CARF: variants seen among roughly 807,000 people sequenced by gnomAD.
The protein encoded by CARF is calcium responsive transcription factor.
A neutral mutation model predicts 82.0 loss-of-function variants in CARF; 57 were observed. The observed-to-expected ratio is 0.70, with a 90% CI of 0.56 to 0.87. The LOEUF (loss-of-function observed/expected upper bound fraction) is 0.87, where lower values mean the gene tolerates loss of function less well. Ranked by LOEUF, CARF falls within the 40% of genes least tolerant of loss-of-function variation. The pLI is 0.00. For synonymous variants in CARF, 268 were observed against 290.1 expected (o/e 0.92, Z 0.77); for missense variants, 771 against 855.8 (o/e 0.90, Z 1.24).
At chr2:202,975,026 A>C (rs1002540057) in intron 13 of CARF, among the ~76,000 whole-genome samples, 6 of 152,162 alleles carry the variant, frequency 3.9e-5, no homozygotes, top group African/African-American at 1.4e-4. Flanking sequence ...TAATAAAAAC[A>C]CTGGCCAGGC....
intron 5 of CARF, among the ~76,000 whole-genome samples, chr2:202,947,527 T>A (rs2058558173): frequency 6.6e-6 from 1 of 151,982 alleles, no homozygotes; most frequent in Non-Finnish European, 1.5e-5. Context: ...ACCTAATGCA[T>A]GAGGGGCTTA....
At chr2:202,947,832 T>C (rs1412599895) in intron 5 of CARF, among the ~76,000 whole-genome samples, 1 of 152,242 alleles carries the variant, frequency 6.6e-6, no homozygotes, top group East Asian at 1.9e-4. Flanking sequence ...TAGTTTCTTT[T>C]GCTGTATAGA....
At chr2:202,929,338 TC>T (rs2105748785) in intron 3 of CARF, among the ~76,000 whole-genome samples, 1 of 152,310 alleles carries the variant, frequency 6.6e-6, no homozygotes, top group Non-Finnish European at 1.5e-5. Flanking sequence ...AAGTCTTTAA[TC>T]CATTTTTAGT....
chr2:202,924,910 C>A, intron 3 of CARF: 1 of 251,126 alleles, frequency 4.0e-6, no homozygotes, highest in South Asian at 4.6e-5. Context: ...TGTATGCACC[C>A]CGGAGAAATT....
Position 202,971,654 on chromosome 2 carries a change from G to A in CARF, c.1247G>A (p.Arg416His), listed in dbSNP as rs778110847. The A allele has an allele frequency of 1.1e-5, 17 of 1,613,456 alleles. No homozygotes were observed. The highest frequency in any genetic ancestry group is 4.5e-5 in the East Asian group (2 of 44,774). ...GATGAGAATTGTGCATTACCCTCAC[G>A]TTTACATCCTCAAGTAGCACATAAG... ...VRDENCALPS[R>H]LHPQVAHKIQ... Residue 416 changes from arginine to histidine, a missense_variant, in exon 12 of 17, where the codon CGT (arginine) becomes CAT (histidine). Physicochemically the swap from Arg to His is conservative, Grantham distance 29. Transcript: ENST00000438828.
In CARF at chr2:202,913,100, C is replaced by G. The variant is rs923540751; in HGVS notation, c.-332C>G. On this transcript the variant is annotated splice_region_variant and 5_prime_UTR_variant, in exon 1 of 17. Coordinates refer to ENST00000438828, the MANE Select transcript of CARF (RefSeq NM_024744.17). ...CTGGATTGCAAAATTTATGGGCAGA[C>G]CGGTATGTGTGCAGGTGAAGACAAA... The G allele has an allele frequency of 3.9e-5, 6 of 152,072 alleles. No homozygotes were observed. Among genetic ancestry groups the G allele is most frequent in the African/African-American group, 1.4e-4 (6 of 41,400 alleles). The allele number at this position is 152,072 out of a possible 1,614,324, so 9.4% of individuals were successfully genotyped here. A position where few individuals can be genotyped will look rare whatever the true frequency, so the allele number is the denominator to read the frequency against.
intron 14 of CARF, among the ~76,000 whole-genome samples, chr2:202,980,204 T>C (rs1050757893): frequency 2.0e-5 from 3 of 152,136 alleles, no homozygotes; most frequent in Non-Finnish European, 2.9e-5. Context: ...GTTATCCATC[T>C]GCTCTGGCCT....
intron 1 of CARF, among the ~76,000 whole-genome samples, chr2:202,916,619 C>T (rs1689715720): frequency 6.6e-6 from 1 of 151,856 alleles, no homozygotes; most frequent in Non-Finnish European, 1.5e-5. Context: ...CTTTAATTAC[C>T]CTATTTGGGG....
chr2:202,949,237 G>A (rs1295153238), intron 5 of CARF, among the ~76,000 whole-genome samples: 1 of 151,736 alleles, frequency 6.6e-6, no homozygotes, highest in Non-Finnish European at 1.5e-5. Context: ...AGGAGGCTGA[G>A]GCAGGAGAAT....
rs182620586 is a variant in CARF at position 202,919,576 on chromosome 2, T to G, written c.-163+1533T>G. On this transcript the variant is annotated intron_variant, in intron 2 of 16. Coordinates refer to ENST00000438828, the MANE Select transcript of CARF (RefSeq NM_024744.17). ...TTTTGGGTGGTGTCGGAGATAGAGTTTTTTGTATGTTACGGTACTGCTTCT... is the reference window on the plus strand; with the variant it reads ...TTTTGGGTGGTGTCGGAGATAGAGTGTTTTGTATGTTACGGTACTGCTTCT... Among the ~76,000 whole-genome samples the G allele has an allele frequency of 8.8e-4, 134 of 152,312 alleles. 1 individual carries two copies. The highest frequency in any genetic ancestry group is 3.0e-3 in the African/African-American group (125 of 41,562).
At chr2:202,937,037 C>T (rs1046895691) in intron 3 of CARF, among the ~76,000 whole-genome samples, 2 of 152,106 alleles carry the variant, frequency 1.3e-5, no homozygotes, top group African/African-American at 4.8e-5. Flanking sequence ...GTCCTGGCAC[C>T]ATTTGTTGAA....
chr2:202,953,139 C>A (rs563725732), intron 6 of CARF, among the ~76,000 whole-genome samples: 27 of 152,140 alleles, frequency 1.8e-4, no homozygotes, highest in South Asian at 6.2e-4. Flanking sequence ...CCTGCCTCAG[C>A]CTCCTGAGTA....
rs1018430482 is a variant in CARF, at chr2:202,912,316, C to T, written c.-1116C>T. The stretch of plus-strand genomic sequence containing the variant: ...GGTCTCCATGGCGGGGCCTCGGAGC[C>T]AAGACGAGGTTGAGTAGACTCGTTT... On this transcript the variant is annotated 5_prime_UTR_variant, in exon 1 of 17. The change creates a premature stop within an existing upstream ORF in the 5' untranslated region. Transcript: ENST00000438828. The T allele has an allele frequency of 6.6e-6, 1 of 152,216 alleles. No individual in the cohort carries two copies. Among genetic ancestry groups the T allele is most frequent in the South Asian group, 2.1e-4 (1 of 4,828 alleles). 9.4% of individuals were successfully genotyped at this position (152,216 alleles called of 1,614,324 possible). A position where few individuals can be genotyped will look rare whatever the true frequency, so the allele number is the denominator to read the frequency against.
At chr2:202,961,758 G>A in intron 9 of CARF, 1 of 357,532 alleles carries the variant, frequency 2.8e-6, no homozygotes, top group South Asian at 6.0e-5. Flanking sequence ...TTCCCCTTCA[G>A]ATTAAATATT....
chr2:202,924,915 G>T (rs1366180126), intron 3 of CARF: 1 of 256,154 alleles, frequency 3.9e-6, no homozygotes, highest in African/African-American at 2.3e-5. Flanking sequence ...GCACCCCGGA[G>T]AAATTGCAGA....
In CARF at chr2:202,986,419, G is replaced by T. The variant is rs142985825; in HGVS notation, c.*2795G>T. 5.3e-5 allele frequency: 8 copies of T among 152,134 alleles called. 1 individual carries two copies. In the East Asian group the frequency reaches 1.5e-3, roughly 29 times the overall value. 9.4% of individuals were successfully genotyped at this position (152,134 alleles called of 1,614,324 possible). A position where few individuals can be genotyped will look rare whatever the true frequency, so the allele number is the denominator to read the frequency against. On this transcript the variant is annotated 3_prime_UTR_variant, in exon 17 of 17. Transcript: ENST00000438828. ...ATGTTTTTTGTGTGTGTCATGTATT[G>T]TAAGTTGTAATATCTGTAGGAGTGA...
At position 202,952,687 on chromosome 2, in the gene CARF, A is replaced by T; in HGVS notation, c.427+8A>T. 1 of 1,609,202 alleles carries T rather than the reference A, an allele frequency of 6.2e-7. No homozygotes were observed. The highest frequency in any genetic ancestry group is 1.7e-4 in the Middle Eastern group (1 of 6,032). On this transcript the variant is annotated splice_region_variant and intron_variant, in intron 6 of 16. Coordinates refer to ENST00000438828, the MANE Select transcript of CARF (RefSeq NM_024744.17). ...ATGTGAATAGTCCTCGGGGTGAGTA[A>T]CAACGGGATATAGGGGATTTGAGAG...
intron 16 of CARF, 68 bp downstream of exon 16, chr2:202,982,509 A>G (rs2060308056): frequency 3.9e-6 from 6 of 1,533,810 alleles, no homozygotes; most frequent in Non-Finnish European, 5.3e-6. Flanking sequence ...ATATTATACT[A>G]TAGATAAAAC....
intron 8 of CARF, among the ~76,000 whole-genome samples, chr2:202,958,678 G>A (rs147100151): frequency 7.9e-5 from 12 of 152,126 alleles, no homozygotes; most frequent in Non-Finnish European, 1.6e-4. Flanking sequence ...AGGTTGAGGC[G>A]GGTGGATCAC....
Sources: allele counts gnomAD v4.1 joint callset (sites outside exome capture counted in the v4.1 genomes callset), GRCh38; gene constraint gnomAD v4.1.1; transcripts MANE v1.5; gene names NCBI Gene and HGNC (gene_info 2026-07-23, HGNC 2026-07-21).